The following GCNA variants were observed in gnomAD, a reference collection of about 807,000 sequenced individuals.
The protein encoded by GCNA is germ cell nuclear acidic peptidase.
In GCNA, 3 loss-of-function variants were observed where a neutral mutation model predicts 38.8. The observed-to-expected ratio is 0.08, with a 90% CI of 0.04 to 0.20. The LOEUF is 0.20. Ranked by LOEUF, GCNA falls within the 10% of genes least tolerant of loss-of-function variation. GCNA has a pLI of 1.00. For synonymous variants in GCNA, 195 were observed against 240.2 expected, an observed-to-expected ratio of 0.81 and a Z score of 1.74; for missense variants, 446 against 578.6, an observed-to-expected ratio of 0.77 and a Z score of 2.35.
At chrX:71,607,178 A>G (rs1349915922) in intron 9 of GCNA, among the ~76,000 whole-genome samples, 1 of 112,236 alleles carries the variant, frequency 8.9e-6, no homozygotes, top group Non-Finnish European at 1.9e-5. Flanking sequence ...GGGCTCTGCC[A>G]AAGTCTGCAG....
chrX:71,580,816 A>G lies in GCNA; in HGVS notation c.-2-4A>G, dbSNP rs1365285118. On this transcript the variant is annotated splice_region_variant and splice_polypyrimidine_tract_variant and intron_variant, in intron 1 of 12. Transcript: ENST00000373696. ...AGAAAGTGTATCTTTGTCTTTCACT[A>G]CAGACATGGATGGGTGCAAAAAAGA... 2 of 1,199,656 alleles carry G rather than the reference A, an allele frequency of 1.7e-6. No homozygotes were observed. The highest frequency in any genetic ancestry group is 3.6e-5 in the South Asian group (2 of 55,054).
intron 9 of GCNA, among the ~76,000 whole-genome samples, chrX:71,606,476 A>G (rs778877128): frequency 7.1e-5 from 8 of 112,743 alleles, no homozygotes; most frequent in African/African-American, 2.2e-4. Flanking sequence ...AAAATTTGAT[A>G]TAGTAAGCAT....
chrX:71,609,156 T>G (rs1044921960), intron 10 of GCNA, 39 bp downstream of exon 10: 1 of 1,136,065 alleles, frequency 8.8e-7, no homozygotes, highest in African/African-American at 1.8e-5. Context: ...GCACCTGCTA[T>G]ACACCAGTAC....
intron 10 of GCNA, among the ~76,000 whole-genome samples, chrX:71,610,288 A>T (rs2040800246): frequency 9.0e-6 from 1 of 111,585 alleles, no homozygotes; most frequent in African/African-American, 3.3e-5. Context: ...AGGGTAAAAA[A>T]CTCTGGAGTT....
chrX:71,611,733 G>A (rs2040812132), intron 11 of GCNA, among the ~76,000 whole-genome samples: 1 of 111,233 alleles, frequency 9.0e-6, no homozygotes, highest in Non-Finnish European at 1.9e-5. Context: ...CTGGAGGGCA[G>A]AAACTAGATC....
At chrX:71,578,922 A>G (rs1164192320) in intron 1 of GCNA, among the ~76,000 whole-genome samples, 1 of 30,666 alleles carries the variant, frequency 3.3e-5, no homozygotes, top group African/African-American at 1.2e-4. Context: ...GGAGAGAAGT[A>G]GGGGCACCAG....
At chrX:71,588,993 G>T (rs1180768033) in intron 2 of GCNA, among the ~76,000 whole-genome samples, 1 of 106,495 alleles carries the variant, frequency 9.4e-6, no homozygotes, top group Admixed American at 1.0e-4. Flanking sequence ...CTCTTGAGTA[G>T]CTGGGAGGAT....
At chrX:71,591,357 G>A (rs1354112490) in intron 2 of GCNA, among the ~76,000 whole-genome samples, 3 of 107,109 alleles carry the variant, frequency 2.8e-5, no homozygotes, top group Non-Finnish European at 5.8e-5. Flanking sequence ...TGGGACCCCT[G>A]GCAGATGAGA....
intron 10 of GCNA, 61 bp from the exon 11 acceptor site, chrX:71,610,620 C>CA (rs1193077455): frequency 4.3e-6 from 5 of 1,169,388 alleles, no homozygotes; most frequent in East Asian, 3.1e-5. Flanking sequence ...GTCTCAAAAA[C>CA]AAAAAAACAA....
chrX:71,586,530 T>C, intron 2 of GCNA, among the ~76,000 whole-genome samples: 1 of 111,800 alleles, frequency 8.9e-6, no homozygotes. Context: ...GGTGGTGCCA[T>C]TGACTGAGAT....
chrX:71,579,437 C>A (rs186983582), intron 1 of GCNA, among the ~76,000 whole-genome samples: 1 of 94,235 alleles, frequency 1.1e-5, no homozygotes, highest in Non-Finnish European at 2.1e-5. Flanking sequence ...CTGGTGGCGG[C>A]GTAGGAACAC....
intron 10 of GCNA, among the ~76,000 whole-genome samples, chrX:71,610,458 G>A (rs572010333): frequency 9.0e-6 from 1 of 111,312 alleles, no homozygotes; most frequent in African/African-American, 3.3e-5. Context: ...TACTAAATAC[G>A]AAAAATTAGC....
chrX:71,579,680 G>C (rs977895124), intron 1 of GCNA, among the ~76,000 whole-genome samples: 4 of 107,739 alleles, frequency 3.7e-5, no homozygotes, highest in Non-Finnish European at 7.7e-5. Flanking sequence ...AGACAGGAGT[G>C]GGGTAGGGCA....
chrX:71,580,937 A>G, intron 2 of GCNA, 57 bp downstream of exon 2: 2 of 1,056,378 alleles, frequency 1.9e-6, no homozygotes, highest in Non-Finnish European at 2.6e-6. Flanking sequence ...TTGGCAAAAC[A>G]GCTTTCTCGA....
chrX:71,587,550 A>G (rs1176256136), intron 2 of GCNA, among the ~76,000 whole-genome samples: 1 of 111,497 alleles, frequency 9.0e-6, no homozygotes, highest in African/African-American at 3.3e-5. Context: ...TTATCCTGTT[A>G]GGCTGAATTT....
rs1230276512 is a variant in GCNA, at chrX:71,600,320, TA to T, written c.310+2294del. Among the ~76,000 whole-genome samples the T allele has an allele frequency of 1.6e-4, 17 of 103,910 alleles. No individual in the cohort carries two copies. The South Asian group carries it at 2.5e-3, about 15-fold the overall frequency. The allele number at this position is 103,910 out of a possible 115,157, so 90.2% of individuals were successfully genotyped here. ...TTTTAATTTGTCTAATGAAGGAAAT[TA>T]AAAAAAAAAAACTTCAGCTACCATT... On this transcript the variant is annotated intron_variant, in intron 7 of 12. Coordinates refer to ENST00000373696, the MANE Select transcript of GCNA (RefSeq NM_052957.5).
intron 6 of GCNA, 49 bp from the exon 7 acceptor site, chrX:71,597,898 AGAC>A: frequency 1.0e-6 from 1 of 967,594 alleles, no homozygotes; most frequent in Non-Finnish European, 1.5e-6. Flanking sequence ...ATGAAAAAGA[AGAC>A]TGTTGCGTTC....
At chrX:71,587,259 C>G in intron 2 of GCNA, among the ~76,000 whole-genome samples, 1 of 109,846 alleles carries the variant, frequency 9.1e-6, no homozygotes, top group Middle Eastern at 4.7e-3. Context: ...GAGTTCCTAG[C>G]TGATTGCTTC....
chrX:71,593,026 T>G (rs2147717707), intron 4 of GCNA, among the ~76,000 whole-genome samples: 1 of 111,665 alleles, frequency 9.0e-6, no homozygotes, highest in African/African-American at 3.3e-5. Context: ...CCAGAGTAGC[T>G]GGGATTATAG....
Sources: allele counts gnomAD v4.1 joint callset (sites outside exome capture counted in the v4.1 genomes callset), GRCh38; gene constraint gnomAD v4.1.1; transcripts MANE v1.5; gene names NCBI Gene and HGNC (gene_info 2026-07-23, HGNC 2026-07-21).